The following CHN2 variants were observed in gnomAD, a reference collection of about 807,000 sequenced individuals.
CHN2 encodes chimerin 2, also known as beta-chimaerin.
CHN2 carries 35 observed loss-of-function variants against 56.3 expected under a neutral mutation model. That is an observed-to-expected ratio of 0.62 (90% CI 0.47 to 0.82). CHN2 has a LOEUF of 0.82. CHN2 is among the 40% of genes least tolerant of loss of function. The probability of loss-of-function intolerance (pLI) is 0.00; values close to 1 mark genes in which losing one functional copy is unlikely to be tolerated. For synonymous variants in CHN2, 210 were observed against 212.8 expected (o/e 0.99, Z 0.12); for missense variants, 491 against 580.5 (o/e 0.85, Z 1.58).
rs1021440195 is a variant in CHN2 at position 29,405,817 on chromosome 7, A to G, written c.576+4989A>G. Among the ~76,000 whole-genome samples the G allele has an allele frequency of 5.9e-5, 9 of 152,078 alleles. No homozygotes were observed. The East Asian group carries it at 1.5e-3, about 26-fold the overall frequency. On this transcript the variant is annotated intron_variant, in intron 6 of 12. Coordinates refer to ENST00000222792, the MANE Select transcript of CHN2 (RefSeq NM_004067.4). ...TCTTCCTTCCCAGCTGCCCGCCTTT[A>G]TATCCAAGGTGGTCCTTTCATTGGT...
At chr7:29,303,372 C>T (rs368699023) in intron 1 of CHN2, among the ~76,000 whole-genome samples, 67 of 152,312 alleles carry the variant, frequency 4.4e-4, no homozygotes, top group African/African-American at 1.3e-3. Context: ...CACTAGGACC[C>T]ACCTGGGTTG....
At chr7:29,204,102 TGTGTG>T (rs1784361315) in intron 1 of CHN2, among the ~76,000 whole-genome samples, 1 of 151,536 alleles carries the variant, frequency 6.6e-6, no homozygotes, top group Non-Finnish European at 1.5e-5. Context: ...TGTGTGTGTG[TGTGTG>T]TGTGTGTGTA....
At chr7:29,179,455 G>A (rs1456371388) in intron 2 of CHN2, among the ~76,000 whole-genome samples, 1 of 152,176 alleles carries the variant, frequency 6.6e-6, no homozygotes. Context: ...AGAATTTTTT[G>A]ACCACTCTCA....
chr7:29,406,930 T>C lies in CHN2; in HGVS notation c.576+6102T>C, dbSNP rs148360949. ...CTCGGTGAAGCAAGCACTGATTGAATGAAAAATGGATGGGTGACTTTTAAA... is the reference window on the plus strand; with the variant it reads ...CTCGGTGAAGCAAGCACTGATTGAACGAAAAATGGATGGGTGACTTTTAAA... On this transcript the variant is annotated intron_variant, in intron 6 of 12. Transcript: ENST00000222792. 2.0e-5 allele frequency among the ~76,000 whole-genome samples: 3 copies of C among 152,276 alleles called. No individual in the cohort carries two copies. In the East Asian group the frequency reaches 5.8e-4, roughly 29 times the overall value.
rs141186393 is a variant in CHN2 at position 29,209,321 on chromosome 7, C to T, written c.49+14331C>T. Among the ~76,000 whole-genome samples, 290 of 152,220 alleles carry T rather than the reference C, an allele frequency of 1.9e-3. 1 individual carries two copies. The highest frequency in any genetic ancestry group is 6.7e-3 in the African/African-American group (278 of 41,532). Reference sequence around the variant, plus strand: ...CAACAAAACACTGAGAATTCCAAGACGCATGGCCTCTCATAGTCAAAAAGC... The same window carrying T: ...CAACAAAACACTGAGAATTCCAAGATGCATGGCCTCTCATAGTCAAAAAGC... On this transcript the variant is annotated intron_variant, in intron 1 of 12. Coordinates refer to ENST00000222792, the MANE Select transcript of CHN2 (RefSeq NM_004067.4).
At chr7:29,511,492 G>A (rs530358578) in intron 12 of CHN2, among the ~76,000 whole-genome samples, 10 of 152,268 alleles carry the variant, frequency 6.6e-5, no homozygotes, top group Non-Finnish European at 1.2e-4. Context: ...TAGTGGGTTT[G>A]CCAGCCATCT....
intron 3 of CHN2, among the ~76,000 whole-genome samples, chr7:29,381,214 G>A (rs1377320739): frequency 6.6e-6 from 1 of 152,154 alleles, no homozygotes; most frequent in Non-Finnish European, 1.5e-5. Context: ...TGGTTGGGAG[G>A]TCAGCCAGCC....
At chr7:29,318,168 T>A (rs1795090485) in intron 1 of CHN2, among the ~76,000 whole-genome samples, 1 of 152,140 alleles carries the variant, frequency 6.6e-6, no homozygotes, top group Non-Finnish European at 1.5e-5. Context: ...AGCTGTGGAA[T>A]TTTTCAGGTG....
At chr7:29,152,357 G>A (rs1793711532) in intron 2 of CHN2, among the ~76,000 whole-genome samples, 1 of 152,168 alleles carries the variant, frequency 6.6e-6, no homozygotes, top group Admixed American at 6.5e-5. Context: ...GGAGCACCAA[G>A]CAGTGAGAAA....
intron 6 of CHN2, among the ~76,000 whole-genome samples, chr7:29,441,209 A>G (rs2128123827): frequency 6.6e-6 from 1 of 152,318 alleles, no homozygotes; most frequent in East Asian, 1.9e-4. Flanking sequence ...AATGGGAGAA[A>G]GAATGAATAA....
chr7:29,495,033 A>G (rs1198283532), intron 7 of CHN2, among the ~76,000 whole-genome samples: 3 of 148,876 alleles, frequency 2.0e-5, no homozygotes, highest in Non-Finnish European at 3.0e-5. Context: ...AAGGCCTTCT[A>G]TAATGCTTTA....
At position 29,294,189 on chromosome 7, in the gene CHN2, T is replaced by G. The variant is rs565021040; in HGVS notation, c.50-60436T>G. The stretch of plus-strand genomic sequence containing the variant: ...CCTGAGGGTGGGAATTTTTATCTGT[T>G]GTGTTCTCTGTTGTATCTCCGGCAC... On this transcript the variant is annotated intron_variant, in intron 1 of 12. Transcript: ENST00000222792. Among the ~76,000 whole-genome samples, 4 of 152,172 alleles carry G rather than the reference T, an allele frequency of 2.6e-5. No individual in the cohort carries two copies. The East Asian group carries it at 7.7e-4, about 29-fold the overall frequency.
Position 29,300,216 on chromosome 7 carries a change from C to T in CHN2, c.50-54409C>T, listed in dbSNP as rs532792596. Among the ~76,000 whole-genome samples, 12 of 152,182 alleles carry T rather than the reference C, an allele frequency of 7.9e-5. 1 individual carries two copies. The East Asian group carries it at 1.9e-3, about 24-fold the overall frequency. On this transcript the variant is annotated intron_variant, in intron 1 of 12. Transcript: ENST00000222792. ...AGGAATGTGGAATTTCTAGCAGAAGCAATGGTAAGCAGAGTGTAGGATGAG... is the reference window on the plus strand; with the variant it reads ...AGGAATGTGGAATTTCTAGCAGAAGTAATGGTAAGCAGAGTGTAGGATGAG...
chr7:29,197,248 A>C (rs971680799), intron 1 of CHN2, among the ~76,000 whole-genome samples: 4 of 152,208 alleles, frequency 2.6e-5, no homozygotes, highest in African/African-American at 7.2e-5. Context: ...CCAGGCAGTA[A>C]GTTATAAACC....
At chr7:29,254,834 G>A (rs112002866) in intron 1 of CHN2, among the ~76,000 whole-genome samples, 264 of 152,248 alleles carry the variant, frequency 1.7e-3, no homozygotes, top group African/African-American at 6.0e-3. Context: ...GTTGTGCAAG[G>A]GAGTCTGGGA....
intron 1 of CHN2, among the ~76,000 whole-genome samples, chr7:29,335,099 C>T (rs867225357): frequency 6.6e-6 from 1 of 152,158 alleles, no homozygotes; most frequent in Non-Finnish European, 1.5e-5. Context: ...CATCAGTAAA[C>T]ATTTCAATAG....
intron 7 of CHN2, among the ~76,000 whole-genome samples, chr7:29,486,475 C>G (rs1014691947): frequency 1.3e-5 from 2 of 152,120 alleles, no homozygotes; most frequent in African/African-American, 4.8e-5. Flanking sequence ...GCTCTCAATC[C>G]CCATTTGCCA....
chr7:29,191,098 A>G (rs1782834005), upstream of CHN2, among the ~76,000 whole-genome samples: 1 of 152,024 alleles, frequency 6.6e-6, no homozygotes, highest in Admixed American at 6.6e-5. Flanking sequence ...ACGCCTGGCT[A>G]ATTTATTTTT....
intron 6 of CHN2, among the ~76,000 whole-genome samples, chr7:29,455,790 T>A (rs1784706306): frequency 6.6e-6 from 1 of 152,124 alleles, no homozygotes; most frequent in Admixed American, 6.5e-5. Flanking sequence ...AGGACCGTGG[T>A]TTACCCCCAG....
Sources: allele counts gnomAD v4.1 joint callset (sites outside exome capture counted in the v4.1 genomes callset), GRCh38; gene constraint gnomAD v4.1.1; transcripts MANE v1.5; gene names NCBI Gene and HGNC (gene_info 2026-07-23, HGNC 2026-07-21).